The following MYBPC2 variants were observed in gnomAD, a reference collection of about 807,000 sequenced individuals.
MYBPC2 encodes myosin binding protein C2, also known as myosin-binding protein C, fast-type.
In MYBPC2, 122 loss-of-function variants were observed where a neutral mutation model predicts 137.0. The observed-to-expected ratio is 0.89, with a 90% CI of 0.77 to 1.03. The LOEUF (loss-of-function observed/expected upper bound fraction) is 1.03. Among genes scored for constraint, MYBPC2 ranks in the 50% least tolerant of loss-of-function variants. MYBPC2 has a pLI of 0.00. For synonymous variants in MYBPC2, 626 were observed against 612.3 expected, an observed-to-expected ratio of 1.02 and a Z score of -0.33; for missense variants, 1,500 against 1,534.4, an observed-to-expected ratio of 0.98 and a Z score of 0.37.
chr19:50,453,485 T>C (rs1244647078), intron 16 of MYBPC2, among the ~76,000 whole-genome samples: 1 of 152,028 alleles, frequency 6.6e-6, no homozygotes, highest in African/African-American at 2.4e-5. Context: ...CCTTGCAAAA[T>C]CTCTGGGACA....
chr19:50,455,044 C>T, intron 18 of MYBPC2, 64 bp from the exon 19 acceptor site: 1 of 1,473,566 alleles, frequency 6.8e-7, no homozygotes, highest in East Asian at 2.4e-5. Context: ...GCCCTCACTC[C>T]CCCAGCTGAC....
At chr19:50,449,205 A>T (rs1175231111) in intron 13 of MYBPC2, among the ~76,000 whole-genome samples, 2 of 152,174 alleles carry the variant, frequency 1.3e-5, no homozygotes, top group Non-Finnish European at 1.5e-5. Context: ...TAAATAAATT[A>T]GGATTCATTT....
Position 50,458,673 on chromosome 19 carries a change from T to C in MYBPC2, c.2425T>C (p.Phe809Leu), listed in dbSNP as rs777201562. ...TCTCCCGACCGGAGCCAGAATCCTC[T>C]TCCGAGTAGTTGGGGTCAACATCGC... The part of the protein sequence containing the change: ...KNLPTGARIL[F>L]RVVGVNIAGR... Residue 809 changes from phenylalanine to leucine, a missense_variant, in exon 21 of 28, where the codon TTC becomes CTC. Physicochemically the swap from Phe to Leu is conservative, Grantham distance 22 (BLOSUM62 0). Transcript: ENST00000357701. 1 of 1,612,372 alleles carries C rather than the reference T, an allele frequency of 6.2e-7. No individual in the cohort carries two copies. Among genetic ancestry groups the C allele is most frequent in the Non-Finnish European group, 8.5e-7 (1 of 1,179,874 alleles).
Position 50,455,373 on chromosome 19 carries a change from C to T in MYBPC2, c.2203+77C>T, listed in dbSNP as rs936857227. ...TCCATCAACCCCGTCCACCTCTGGCCCATCTTTTGCCCGCCATCAATCTCT... is the reference window on the plus strand; with the variant it reads ...TCCATCAACCCCGTCCACCTCTGGCTCATCTTTTGCCCGCCATCAATCTCT... On this transcript the variant is annotated intron_variant, in intron 19 of 27. Transcript: ENST00000357701. 3.8e-6 allele frequency: 6 copies of T among 1,562,190 alleles called. No homozygotes were observed. In the Admixed American group the frequency reaches 8.7e-5, roughly 23 times the overall value.
chr19:50,455,850 C>G (rs2039905429), intron 20 of MYBPC2, among the ~76,000 whole-genome samples: 1 of 152,208 alleles, frequency 6.6e-6, no homozygotes, highest in East Asian at 1.9e-4. Context: ...CATCCATCCT[C>G]CATACAGCAG....
intron 12 of MYBPC2, among the ~76,000 whole-genome samples, chr19:50,447,495 G>A (rs544008094): frequency 7.0e-4 from 107 of 152,226 alleles, no homozygotes; most frequent in East Asian, 9.6e-4. Flanking sequence ...TTGTGAGGCC[G>A]AGGTGGGAGG....
At chr19:50,444,556 C>T (rs916537212) in intron 11 of MYBPC2, among the ~76,000 whole-genome samples, 2 of 152,144 alleles carry the variant, frequency 1.3e-5, no homozygotes, top group Non-Finnish European at 2.9e-5. Flanking sequence ...GTGTACTCTT[C>T]TACGTATCAG....
chr19:50,450,162 A>G (rs2039843005), intron 13 of MYBPC2, among the ~76,000 whole-genome samples: 1 of 152,136 alleles, frequency 6.6e-6, no homozygotes, highest in Non-Finnish European at 1.5e-5. Flanking sequence ...ATCTCAAACA[A>G]ACAAACAAAA....
chr19:50,437,350 C>T (rs561844819), intron 5 of MYBPC2, 123 bp from the exon 6 acceptor site: 670 of 1,095,272 alleles, frequency 6.1e-4, no homozygotes, highest in Middle Eastern at 1.0e-3. Context: ...CAAGGTTGTG[C>T]TGGTCCAAGA....
chr19:50,465,529 C>A lies in MYBPC2; in HGVS notation c.3416-666C>A, dbSNP rs573780048. Among the ~76,000 whole-genome samples the A allele has an allele frequency of 3.3e-5, 5 of 152,152 alleles. No individual in the cohort carries two copies. The highest frequency in any genetic ancestry group is 4.4e-5 in the Non-Finnish European group (3 of 68,024). ...CCCAGCAGACAGGGTGGCTGGGGAC[C>A]CTTAACAAAGGCTCAGAGAGGACAC... On this transcript the variant is annotated intron_variant, in intron 27 of 27. Transcript: ENST00000357701. This position sits in a 1 kb window ranked among gnomAD's most constrained non-coding sequence, Gnocchi z 4.5.
In MYBPC2 at chr19:50,455,201, T is replaced by C. The variant is rs765147076; in HGVS notation, c.2108T>C (p.Met703Thr). ...GAGACCACCTATGAGTCCACCAAGA[T>C]GATCGAGGGCATCCTCTATGAGATG... ...FTETTYESTKMIEGILYEMRV... is the reference protein window; with the variant it reads ...FTETTYESTKTIEGILYEMRV... Residue 703 changes from methionine (M) to threonine (T), a missense_variant, in exon 19 of 28, where the codon ATG becomes ACG. Coordinates refer to ENST00000357701, the MANE Select transcript of MYBPC2 (RefSeq NM_004533.4). 5 of 1,613,798 alleles carry C rather than the reference T, an allele frequency of 3.1e-6. No homozygotes were observed. The Admixed American group carries it at 8.3e-5, about 27-fold the overall frequency.
chr19:50,460,138 A>G lies in MYBPC2; in HGVS notation c.2890A>G (p.Ile964Val), dbSNP rs3745519. 1.2e-5 allele frequency: 19 copies of G among 1,589,052 alleles called. No homozygotes were observed. The East Asian group carries it at 4.4e-4, about 36-fold the overall frequency. Residue 964 changes from isoleucine to valine, a missense_variant, in exon 24 of 28, where the codon ATC (isoleucine) becomes GTC (valine). Ile to Val is a conservative substitution (Grantham distance 29). Transcript: ENST00000357701. ...QAPKDDGNSEIMGYFVQKADK... is the reference protein window; with the variant it reads ...QAPKDDGNSEVMGYFVQKADK... Reference sequence around the variant, plus strand: ...CCCCAAAGATGATGGGAACAGTGAGATCATGGGGTATTTCGTCCAGAAAGC... The same window carrying G: ...CCCCAAAGATGATGGGAACAGTGAGGTCATGGGGTATTTCGTCCAGAAAGC...
At chr19:50,450,735 G>C in intron 13 of MYBPC2, 94 bp from the exon 14 acceptor site, 1 of 833,544 alleles carries the variant, frequency 1.2e-6, no homozygotes, top group African/African-American at 1.7e-5. Context: ...CAGGCATGTG[G>C]ACTGCACTGA....
chr19:50,458,109 A>G (rs1251605648), intron 20 of MYBPC2, among the ~76,000 whole-genome samples: 1 of 151,594 alleles, frequency 6.6e-6, no homozygotes, highest in African/African-American at 2.4e-5. Flanking sequence ...CAGGAGTTCA[A>G]GAGCATCCTG....
chr19:50,462,174 T>A, intron 26 of MYBPC2, 138 bp downstream of exon 26: 1 of 1,294,230 alleles, frequency 7.7e-7, no homozygotes, highest in Non-Finnish European at 1.0e-6. Context: ...TAAAAAATTT[T>A]TTTAATTGAT....
intron 18 of MYBPC2, 106 bp downstream of exon 18, chr19:50,454,475 G>T: frequency 1.0e-6 from 1 of 997,928 alleles, no homozygotes; most frequent in Non-Finnish European, 1.4e-6. Flanking sequence ...GCCCAGGCTG[G>T]AGTGCAGTGG....
intron 18 of MYBPC2, 66 bp from the exon 19 acceptor site, chr19:50,455,042 T>TC (rs2039895508): frequency 6.9e-7 from 1 of 1,459,064 alleles, no homozygotes; most frequent in South Asian, 1.3e-5. Flanking sequence ...TGGCCCTCAC[T>TC]CCCCCAGCTG....
intron 8 of MYBPC2, among the ~76,000 whole-genome samples, chr19:50,441,839 C>CA (rs1415761303): frequency 6.9e-6 from 1 of 144,400 alleles, no homozygotes; most frequent in East Asian, 2.0e-4. Flanking sequence ...GACTCTGTCT[C>CA]AAAAAAATAA....
intron 18 of MYBPC2, 49 bp downstream of exon 18, chr19:50,454,418 C>CTATTTTTTTTT (rs1568665663): frequency 1.3e-6 from 1 of 772,308 alleles, no homozygotes; most frequent in Non-Finnish European, 1.9e-6. Flanking sequence ...TTTCTGCCTT[C>CTATTTTTTTTT]TGTTTTTTTT....
Sources: allele counts gnomAD v4.1 joint callset (sites outside exome capture counted in the v4.1 genomes callset), GRCh38; gene constraint gnomAD v4.1.1; non-coding constraint Gnocchi (gnomAD v3.1); transcripts MANE v1.5; gene names NCBI Gene and HGNC (gene_info 2026-07-23, HGNC 2026-07-21).